CNTN5: variants seen among roughly 807,000 people sequenced by gnomAD.
CNTN5 encodes contactin-5.
In CNTN5, 77 loss-of-function variants were observed where a neutral mutation model predicts 129.1. That is an observed-to-expected ratio of 0.60 (90% confidence interval 0.50 to 0.72). The LOEUF is 0.72. CNTN5 is among the 30% of genes least tolerant of loss of function. The pLI, the probability that CNTN5 is intolerant of heterozygous loss-of-function variation, is 0.00. For missense variants in CNTN5, 1,478 were observed against 1,328.8 expected (o/e 1.11, Z -1.75); for synonymous variants, 509 against 465.6 (o/e 1.09, Z -1.20).
chr11:99,571,027 C>A (rs1031359761), intron 3 of CNTN5, among the ~76,000 whole-genome samples: 1 of 152,086 alleles, frequency 6.6e-6, no homozygotes, highest in East Asian at 1.9e-4. Context: ...GACAAAGAGT[C>A]TGTGACAAGA....
chr11:100,150,528 A>G (rs183757206), intron 13 of CNTN5, among the ~76,000 whole-genome samples: 1 of 151,916 alleles, frequency 6.6e-6, no homozygotes, highest in Non-Finnish European at 1.5e-5. Context: ...TTGTCAGTTA[A>G]TCTATAAATA....
At position 99,768,099 on chromosome 11, in the gene CNTN5, G is replaced by T. The variant is rs190985581; in HGVS notation, c.56-51445G>T. 4.3e-3 allele frequency among the ~76,000 whole-genome samples: 656 copies of T among 152,032 alleles called. 3 individuals carry two copies. The highest frequency in any genetic ancestry group is 6.8e-3 in the Middle Eastern group (2 of 294). On this transcript the variant is annotated intron_variant, in intron 3 of 24. Transcript: ENST00000524871. ...TGAGTAGTTGTGACAGAGACCATATGGACCAAAACCTAAAATATCTACCAT... is the reference window on the plus strand; with the variant it reads ...TGAGTAGTTGTGACAGAGACCATATTGACCAAAACCTAAAATATCTACCAT...
intron 9 of CNTN5, among the ~76,000 whole-genome samples, chr11:100,019,507 T>TC (rs1208743275): frequency 1.3e-5 from 2 of 152,032 alleles, no homozygotes; most frequent in East Asian, 3.9e-4. Context: ...ATCCATGTTG[T>TC]TACAAATGAC....
At chr11:100,141,026 G>A (rs1946683914) in intron 13 of CNTN5, among the ~76,000 whole-genome samples, 1 of 152,112 alleles carries the variant, frequency 6.6e-6, no homozygotes, top group Admixed American at 6.6e-5. Context: ...TTGTCGGCAG[G>A]AAAAATCCAG....
intron 21 of CNTN5, among the ~76,000 whole-genome samples, chr11:100,328,528 A>G (rs935982500): frequency 7.9e-5 from 12 of 152,170 alleles, no homozygotes; most frequent in African/African-American, 2.2e-4. Context: ...AAGGCAAAGG[A>G]GAAGCAGGCA....
At position 100,131,787 on chromosome 11, in the gene CNTN5, CCCTG is replaced by C. The variant is rs529379197; in HGVS notation, c.1580+57497_1580+57500del. Among the ~76,000 whole-genome samples the C allele has an allele frequency of 1.4e-4, 21 of 152,130 alleles. No homozygotes were observed. In the South Asian group the frequency reaches 3.5e-3, roughly 26 times the overall value. On this transcript the variant is annotated intron_variant, in intron 13 of 24. Coordinates refer to ENST00000524871, the MANE Select transcript of CNTN5 (RefSeq NM_014361.4). The stretch of plus-strand genomic sequence containing the variant: ...GGATCTAAAAACCTCGAATTTACAT[CCCTG>C]CCTTACAGTTGAGGTAGGCTGAAGT...
intron 2 of CNTN5, among the ~76,000 whole-genome samples, chr11:99,521,364 C>T (rs140384948): frequency 6.6e-6 from 1 of 152,074 alleles, no homozygotes; most frequent in South Asian, 2.1e-4. Flanking sequence ...AGAGGCATTA[C>T]CTCTCATGCC....
chr11:99,860,910 A>G (rs987131873), intron 6 of CNTN5, among the ~76,000 whole-genome samples: 8 of 144,950 alleles, frequency 5.5e-5, no homozygotes, highest in African/African-American at 2.1e-4. Context: ...CATTTTAATG[A>G]TATTGATTCT....
intron 13 of CNTN5, among the ~76,000 whole-genome samples, chr11:100,092,841 ACTT>A (rs1041237604): frequency 2.6e-5 from 4 of 151,402 alleles, no homozygotes; most frequent in Admixed American, 2.6e-4. Context: ...GTGATTTCCA[ACTT>A]CTTTTCTCTT....
chr11:99,662,089 T>A (rs530002397), intron 3 of CNTN5, among the ~76,000 whole-genome samples: 2 of 152,212 alleles, frequency 1.3e-5, no homozygotes, highest in Admixed American at 1.3e-4. Context: ...AGGTGAAAAA[T>A]CTGAATTTAC....
At chr11:99,173,746 A>T (rs749540346) in intron 1 of CNTN5, among the ~76,000 whole-genome samples, 1 of 152,222 alleles carries the variant, frequency 6.6e-6, no homozygotes, top group Non-Finnish European at 1.5e-5. Context: ...TCGGAATCAG[A>T]GGGAACATAG....
At chr11:99,488,963 A>G (rs1409400751) in intron 2 of CNTN5, among the ~76,000 whole-genome samples, 1 of 152,200 alleles carries the variant, frequency 6.6e-6, no homozygotes, top group Non-Finnish European at 1.5e-5. Context: ...TTGAATCTAA[A>G]TAGAATGCTA....
intron 3 of CNTN5, among the ~76,000 whole-genome samples, chr11:99,661,217 C>A (rs1952581227): frequency 6.6e-6 from 1 of 152,146 alleles, no homozygotes; most frequent in Admixed American, 6.5e-5. Flanking sequence ...GGTCTGATAA[C>A]AACATTTATA....
intron 3 of CNTN5, among the ~76,000 whole-genome samples, chr11:99,762,783 C>G (rs1944626252): frequency 6.6e-6 from 1 of 152,074 alleles, no homozygotes; most frequent in Non-Finnish European, 1.5e-5. Context: ...ATATGTTCTT[C>G]AAATTTAATG....
chr11:99,919,992 C>G (rs949468805), intron 7 of CNTN5, among the ~76,000 whole-genome samples: 1 of 151,882 alleles, frequency 6.6e-6, no homozygotes. Flanking sequence ...AATCTGCAAT[C>G]TATGTATGTG....
intron 3 of CNTN5, among the ~76,000 whole-genome samples, chr11:99,811,158 G>A (rs944214656): frequency 2.0e-5 from 3 of 151,910 alleles, no homozygotes; most frequent in Non-Finnish European, 4.4e-5. Context: ...GCATTGTGTC[G>A]GGAGTCGATA....
At chr11:99,968,656 C>CTCTTTTTTTTTTTTTTTTTTTT (rs1951161575) in intron 8 of CNTN5, among the ~76,000 whole-genome samples, 2 of 73,870 alleles carry the variant, frequency 2.7e-5, no homozygotes, top group African/African-American at 4.8e-5. Context: ...GCTTTGGGTA[C>CTCTTTTTTTTTTTTTTTTTTTT]TTTTTTTTTT....
chr11:99,865,388 T>G (rs1409570560), intron 6 of CNTN5, among the ~76,000 whole-genome samples: 2 of 151,996 alleles, frequency 1.3e-5, no homozygotes, highest in Non-Finnish European at 2.9e-5. Context: ...TTCAAATATA[T>G]GTGTAATATT....
chr11:99,212,938 T>G (rs1464529661), intron 1 of CNTN5, among the ~76,000 whole-genome samples: 1 of 151,996 alleles, frequency 6.6e-6, no homozygotes, highest in Non-Finnish European at 1.5e-5. Context: ...AGGCCTGTAA[T>G]CCCAGCACTT....
Sources: gnomAD v4.1 joint callset for allele counts (sites outside exome capture counted in the v4.1 genomes callset) on GRCh38, gnomAD v4.1.1 for gene constraint, MANE v1.5 for transcripts, NCBI Gene and HGNC (gene_info 2026-07-23, HGNC 2026-07-21) for gene names.